Variants in DACH2 observed in about 807,000 individuals in gnomAD.
The protein encoded by DACH2 is dachshund family transcription factor 2, also known as dachshund homolog 2.
In DACH2, 17 loss-of-function variants were observed where a neutral mutation model predicts 35.8. That is an observed-to-expected ratio of 0.48 (90% CI 0.33 to 0.71). The LOEUF is 0.71. Among genes scored for constraint, DACH2 ranks in the 30% least tolerant of loss-of-function variants. The pLI is 0.02. For missense variants in DACH2, 469 were observed against 472.7 expected (o/e 0.99, Z 0.07); for synonymous variants, 195 against 177.3 (o/e 1.10, Z -0.79).
At chrX:86,274,719 C>G (rs1225003866) in intron 1 of DACH2, among the ~76,000 whole-genome samples, 1 of 108,681 alleles carries the variant, frequency 9.2e-6, no homozygotes, top group East Asian at 2.9e-4. Flanking sequence ...AGGATGGTCT[C>G]GATCTGCTGA....
Position 86,707,912 on chromosome X carries a change from T to TAAAAAA in DACH2, c.932-6623_932-6618dup, listed in dbSNP as rs56293403. On this transcript the variant is annotated intron_variant, in intron 5 of 11. Transcript: ENST00000373125. ...CCTGGTGACAGAGTAAGACTCCATCTAAAAAAAAAAAAAAAAAATTACACA... is the reference window on the plus strand; with the variant it reads ...CCTGGTGACAGAGTAAGACTCCATCTAAAAAAAAAAAAAAAAAAAAAAAATTACACA... 4.3e-4 allele frequency among the ~76,000 whole-genome samples: 15 copies of TAAAAAA among 34,554 alleles called. 2 individuals carry two copies. Among genetic ancestry groups the TAAAAAA allele is most frequent in the East Asian group, 2.8e-3 (4 of 1,405 alleles). The allele number at this position is 34,554 out of a possible 115,157, so 30.0% of individuals were successfully genotyped here.
At chrX:86,687,333 C>A (rs1310351149) in intron 4 of DACH2, among the ~76,000 whole-genome samples, 1 of 111,138 alleles carries the variant, frequency 9.0e-6, no homozygotes, top group Non-Finnish European at 1.9e-5. Context: ...AAATCAAAAC[C>A]ACAATGAGAT....
At chrX:86,315,263 C>A (rs192435845) in intron 1 of DACH2, among the ~76,000 whole-genome samples, 1 of 112,028 alleles carries the variant, frequency 8.9e-6, no homozygotes, top group East Asian at 2.8e-4. Flanking sequence ...TTGTTTATAG[C>A]ACGGTTTACT....
At chrX:86,162,833 G>A (rs759198888) in intron 1 of DACH2, among the ~76,000 whole-genome samples, 2 of 110,857 alleles carry the variant, frequency 1.8e-5, no homozygotes, top group Admixed American at 9.6e-5. Flanking sequence ...TTTTTGAAAC[G>A]TGTTGAGAAT....
chrX:86,229,328 G>A (rs762168814), intron 1 of DACH2, among the ~76,000 whole-genome samples: 1 of 111,618 alleles, frequency 9.0e-6, no homozygotes, highest in East Asian at 2.8e-4. Context: ...TGGTCTATGT[G>A]CTTATTTTTC....
chrX:86,288,953 G>A (rs1165163429), intron 1 of DACH2, among the ~76,000 whole-genome samples: 36 of 111,066 alleles, frequency 3.2e-4, no homozygotes, highest in Non-Finnish European at 3.8e-5. Flanking sequence ...TCAAGTGGAA[G>A]GAGTCTTGCC....
intron 6 of DACH2, among the ~76,000 whole-genome samples, chrX:86,732,237 C>T (rs180998805): frequency 9.8e-5 from 11 of 111,804 alleles, no homozygotes; most frequent in African/African-American, 3.6e-4. Flanking sequence ...CTTTCAGTTA[C>T]CCAGAAAGGA....
At chrX:86,239,721 A>T (rs755328358) in intron 1 of DACH2, among the ~76,000 whole-genome samples, 2 of 111,992 alleles carry the variant, frequency 1.8e-5, no homozygotes, top group Non-Finnish European at 1.9e-5. Flanking sequence ...TGACTATAGC[A>T]TTGCTGTATC....
chrX:86,449,716 C>G lies in DACH2; in HGVS notation c.528-64563C>G, dbSNP rs191231892. On this transcript the variant is annotated intron_variant, in intron 2 of 11. Coordinates refer to ENST00000373125, the MANE Select transcript of DACH2 (RefSeq NM_053281.3). ...TTATAAAAAACATCTTACAGATATACCAGGTCATTTTAAGCTGTAAACAAT... is the reference window on the plus strand; with the variant it reads ...TTATAAAAAACATCTTACAGATATAGCAGGTCATTTTAAGCTGTAAACAAT... Among the ~76,000 whole-genome samples the G allele has an allele frequency of 2.1e-3, 230 of 111,085 alleles. 1 individual carries two copies. Among genetic ancestry groups the G allele is most frequent in the Non-Finnish European group, 3.7e-3 (195 of 52,863 alleles).
chrX:86,420,837 T>C (rs1001640661), intron 2 of DACH2, among the ~76,000 whole-genome samples: 15 of 111,927 alleles, frequency 1.3e-4, no homozygotes, highest in Non-Finnish European at 2.6e-4. Context: ...TAGATGTCAA[T>C]GATTTTGGTC....
intron 7 of DACH2, among the ~76,000 whole-genome samples, chrX:86,775,753 C>A (rs2042025827): frequency 8.9e-6 from 1 of 112,114 alleles, no homozygotes; most frequent in Non-Finnish European, 1.9e-5. Flanking sequence ...TTTGCATTTA[C>A]ATTTTGTTCT....
chrX:86,521,337 T>C (rs2038551209), intron 3 of DACH2, among the ~76,000 whole-genome samples: 1 of 111,726 alleles, frequency 9.0e-6, no homozygotes, highest in Non-Finnish European at 1.9e-5. Flanking sequence ...TTACCATTCT[T>C]ACTTTCATTT....
At chrX:86,596,122 C>T (rs966328555) in intron 3 of DACH2, among the ~76,000 whole-genome samples, 17 of 111,812 alleles carry the variant, frequency 1.5e-4, no homozygotes, top group East Asian at 1.1e-3. Context: ...AATAATATTC[C>T]GTTATACAGA....
intron 3 of DACH2, among the ~76,000 whole-genome samples, chrX:86,640,133 G>C (rs777465115): frequency 9.0e-6 from 1 of 110,587 alleles, no homozygotes; most frequent in Non-Finnish European, 1.9e-5. Context: ...TGTTACATGC[G>C]TGCCTGTTCC....
chrX:86,178,323 T>G (rs1230572196), intron 1 of DACH2, among the ~76,000 whole-genome samples: 1 of 111,503 alleles, frequency 9.0e-6, no homozygotes, highest in African/African-American at 3.3e-5. Context: ...CTATCTCTTT[T>G]TTTGTATAAA....
At chrX:86,528,836 G>A (rs925316141) in intron 3 of DACH2, among the ~76,000 whole-genome samples, 5 of 112,071 alleles carry the variant, frequency 4.5e-5, no homozygotes, top group African/African-American at 1.6e-4. Context: ...ACATATTTAT[G>A]AAGTACATGT....
At chrX:86,546,417 CT>C (rs1165452626) in intron 3 of DACH2, among the ~76,000 whole-genome samples, 2 of 61,287 alleles carry the variant, frequency 3.3e-5, no homozygotes, top group East Asian at 7.6e-4. Flanking sequence ...TCTTCTTCTT[CT>C]TTCTTCTTCT....
intron 4 of DACH2, among the ~76,000 whole-genome samples, chrX:86,654,635 A>G: frequency 9.0e-6 from 1 of 111,343 alleles, no homozygotes; most frequent in Non-Finnish European, 1.9e-5. Context: ...TTAACACTAA[A>G]CAATAATAAT....
intron 1 of DACH2, among the ~76,000 whole-genome samples, chrX:86,211,237 C>CGTTGTT (rs1471704799): frequency 9.0e-6 from 1 of 111,640 alleles, no homozygotes; most frequent in Non-Finnish European, 1.9e-5. Flanking sequence ...GTGGAAGCTA[C>CGTTGTT]GTTCTTGTTC....
Sources: gnomAD v4.1 joint callset for allele counts (sites outside exome capture counted in the v4.1 genomes callset) on GRCh38, gnomAD v4.1.1 for gene constraint, MANE v1.5 for transcripts, NCBI Gene and HGNC (gene_info 2026-07-23, HGNC 2026-07-21) for gene names.